The following CCNY variants were observed in gnomAD, a reference collection of about 807,000 sequenced individuals.
CCNY encodes cyclin-Y.
A neutral mutation model predicts 42.8 loss-of-function variants in CCNY; 19 were observed. The observed-to-expected ratio is 0.44, with a 90% confidence interval of 0.31 to 0.65. The LOEUF (loss-of-function observed/expected upper bound fraction) is 0.65. Ranked by LOEUF, CCNY falls within the 30% of genes least tolerant of loss-of-function variation. CCNY has a pLI of 0.07. For missense variants in CCNY, 370 were observed against 437.3 expected (o/e 0.85, Z 1.37); for synonymous variants, 165 against 162.7 (o/e 1.01, Z -0.11).
intron 7 of CCNY, among the ~76,000 whole-genome samples, chr10:35,544,678 A>G (rs2135439901): frequency 6.6e-6 from 1 of 152,358 alleles, no homozygotes; most frequent in Middle Eastern, 3.4e-3. Flanking sequence ...CCAGAGTCCC[A>G]GAAGGAAAGC....
chr10:35,463,138 G>C (rs1435444296), intron 1 of CCNY, among the ~76,000 whole-genome samples: 1 of 152,238 alleles, frequency 6.6e-6, no homozygotes, highest in African/African-American at 2.4e-5. Context: ...TCTGCATTCA[G>C]ATGTGCTAGA....
At chr10:35,361,118 A>G (rs1040964987) in intron 1 of CCNY, among the ~76,000 whole-genome samples, 2 of 152,140 alleles carry the variant, frequency 1.3e-5, no homozygotes, top group African/African-American at 4.8e-5. Flanking sequence ...CGGCCTCCCA[A>G]AGTGCTGGGA....
chr10:35,303,776 T>A, intron 3 of CCNY, among the ~76,000 whole-genome samples: 1 of 28,302 alleles, frequency 3.5e-5, no homozygotes, highest in African/African-American at 1.8e-4. Flanking sequence ...AAACTCCGTC[T>A]CAAAAAAAAA....
chr10:35,406,458 C>A (rs1184426075), intron 1 of CCNY, among the ~76,000 whole-genome samples: 1 of 151,966 alleles, frequency 6.6e-6, no homozygotes. Flanking sequence ...CTTCAAGCGT[C>A]TGTTTAACAA....
At chr10:35,554,921 A>C (rs1841333018) in intron 8 of CCNY, among the ~76,000 whole-genome samples, 1 of 152,156 alleles carries the variant, frequency 6.6e-6, no homozygotes, top group Non-Finnish European at 1.5e-5. Flanking sequence ...TGCCTTTTGT[A>C]CTCTTATCCT....
chr10:35,334,755 CAG>C (rs1835990416), upstream of CCNY, among the ~76,000 whole-genome samples: 1 of 152,166 alleles, frequency 6.6e-6, no homozygotes, highest in Non-Finnish European at 1.5e-5. Flanking sequence ...AATGTATAAA[CAG>C]TACTTTGAGA....
chr10:35,340,051 CT>C lies in CCNY; in HGVS notation c.154+2845del, dbSNP rs1393973348. On this transcript the variant is annotated intron_variant, in intron 1 of 9. Coordinates refer to ENST00000374704, the MANE Select transcript of CCNY (RefSeq NM_145012.6). ...CTTACTCTGTAGCAGCTGTCACCAG[CT>C]GCCGCTCTAAGTACTTGGATTCCAT... Among the ~76,000 whole-genome samples the C allele has an allele frequency of 2.6e-5, 4 of 152,332 alleles. No individual in the cohort carries two copies. The East Asian group carries it at 7.7e-4, about 29-fold the overall frequency.
chr10:35,385,445 C>G (rs1028914207), intron 1 of CCNY, among the ~76,000 whole-genome samples: 1 of 152,180 alleles, frequency 6.6e-6, no homozygotes, highest in Admixed American at 6.5e-5. Context: ...ATTGTGATCC[C>G]TGTGTGACCA....
At chr10:35,554,767 G>A (rs1176610109) in intron 8 of CCNY, among the ~76,000 whole-genome samples, 1 of 152,158 alleles carries the variant, frequency 6.6e-6, no homozygotes, top group Admixed American at 6.5e-5. Context: ...ATTAGACTAG[G>A]TCTTAAATAT....
chr10:35,296,102 T>A (rs1399161199), intron 3 of CCNY, among the ~76,000 whole-genome samples: 1 of 152,010 alleles, frequency 6.6e-6, no homozygotes, highest in East Asian at 1.9e-4. Flanking sequence ...GAACCTAATA[T>A]CACAACTAGA....
chr10:35,268,487 A>G (rs1168239393), intron 3 of CCNY, among the ~76,000 whole-genome samples: 2 of 151,978 alleles, frequency 1.3e-5, no homozygotes, highest in African/African-American at 4.8e-5. Context: ...CAGCTCTTAC[A>G]GGTTTGTGTT....
chr10:35,362,170 A>G (rs1187387019), intron 1 of CCNY, among the ~76,000 whole-genome samples: 1 of 152,244 alleles, frequency 6.6e-6, no homozygotes, highest in Non-Finnish European at 1.5e-5. Flanking sequence ...GGTACCAAGC[A>G]TTTTGGATAA....
At chr10:35,383,423 C>A (rs1357459751) in intron 1 of CCNY, among the ~76,000 whole-genome samples, 3 of 151,868 alleles carry the variant, frequency 2.0e-5, no homozygotes, top group Non-Finnish European at 4.4e-5. Context: ...TTCTCCTGCC[C>A]CAGCCTCCCG....
At chr10:35,340,313 C>T (rs1202647038) in intron 1 of CCNY, among the ~76,000 whole-genome samples, 1 of 152,098 alleles carries the variant, frequency 6.6e-6, no homozygotes, top group East Asian at 1.9e-4. Flanking sequence ...CAAGGATAAA[C>T]TTCTTCTGTC....
chr10:35,550,549 T>C (rs1025747055), intron 7 of CCNY, among the ~76,000 whole-genome samples: 2 of 152,086 alleles, frequency 1.3e-5, no homozygotes. Context: ...GAATCCCCCA[T>C]GCCTGCTGCT....
upstream of CCNY, among the ~76,000 whole-genome samples, chr10:35,333,578 T>C (rs1219151496): frequency 1.3e-5 from 2 of 152,234 alleles, no homozygotes; most frequent in Non-Finnish European, 2.9e-5. Flanking sequence ...ACTTTGGAAT[T>C]AGAACCAGGT....
rs574343262 is a variant in CCNY at position 35,294,625 on chromosome 10, G to A, written c.-9+43999G>A. Among the ~76,000 whole-genome samples, 13 of 152,136 alleles carry A rather than the reference G, an allele frequency of 8.5e-5. No homozygotes were observed. In the South Asian group the frequency reaches 2.7e-3, roughly 32 times the overall value. ...GGGATAAATCCCACTTGGCCATGAG[G>A]CATAAATCTTTTTATATGTGGCTGG... On this transcript the variant is annotated intron_variant, in intron 3 of 11. Coordinates refer to the CCNY transcript ENST00000374706.
chr10:35,521,914 G>C (rs757193244), intron 4 of CCNY, among the ~76,000 whole-genome samples: 2 of 152,068 alleles, frequency 1.3e-5, no homozygotes, highest in Non-Finnish European at 2.9e-5. Context: ...GCTGAGGAGT[G>C]CTGCAAAAAC....
intron 1 of CCNY, among the ~76,000 whole-genome samples, chr10:35,351,417 T>G (rs1166632421): frequency 6.6e-6 from 1 of 152,226 alleles, no homozygotes; most frequent in Non-Finnish European, 1.5e-5. Context: ...TTTAGAGTGA[T>G]TCTGAAGTTT....
Sources: allele counts gnomAD v4.1 joint callset (sites outside exome capture counted in the v4.1 genomes callset), GRCh38; gene constraint gnomAD v4.1.1; transcripts MANE v1.5; gene names NCBI Gene and HGNC (gene_info 2026-07-23, HGNC 2026-07-21).